DOP1A: variants seen among roughly 807,000 people sequenced by gnomAD.
The protein encoded by DOP1A is protein DOP1A.
DOP1A carries 90 observed loss-of-function variants against 267.6 expected under a neutral mutation model. That is an observed-to-expected ratio of 0.34 (90% CI 0.28 to 0.40). DOP1A has a LOEUF of 0.40. Ranked by LOEUF, DOP1A falls within the 10% of genes least tolerant of loss-of-function variation. DOP1A has a pLI of 1.00. For synonymous variants in DOP1A, 932 were observed against 999.1 expected (o/e 0.93, Z 1.27); for missense variants, 2,437 against 2,900.4 (o/e 0.84, Z 3.67).
chr6:83,093,169 A>C (rs936384521), intron 1 of DOP1A, among the ~76,000 whole-genome samples: 1 of 152,226 alleles, frequency 6.6e-6, no homozygotes, highest in East Asian at 1.9e-4. Context: ...TGAAAGTATC[A>C]TGAGGTCAGG....
chr6:83,164,319 G>A (rs1452052778), intron 38 of DOP1A, among the ~76,000 whole-genome samples: 1 of 151,734 alleles, frequency 6.6e-6, no homozygotes, highest in African/African-American at 2.4e-5. Context: ...GAGGATGTAT[G>A]CTGGGTCCTG....
chr6:83,114,899 T>G (rs1288904904), intron 7 of DOP1A, among the ~76,000 whole-genome samples: 3 of 152,184 alleles, frequency 2.0e-5, no homozygotes, highest in Non-Finnish European at 4.4e-5. Flanking sequence ...CTCCCCACTA[T>G]GCTACCAAAT....
intron 1 of DOP1A, among the ~76,000 whole-genome samples, chr6:83,073,334 C>T (rs567319587): frequency 5.1e-4 from 78 of 152,180 alleles, no homozygotes; most frequent in African/African-American, 1.5e-3. Context: ...GTGATCTGCC[C>T]GCCTTGGCCT....
rs1269138790 is a variant in DOP1A at position 83,100,785 on chromosome 6, A to G, written c.219A>G (p.Pro73=). 4 of 1,595,520 alleles carry G rather than the reference A, an allele frequency of 2.5e-6. No homozygotes were observed. The Admixed American group carries it at 5.1e-5, about 20-fold the overall frequency. Residue 73 remains proline, a synonymous_variant, in exon 4 of 39, where the codon CCA becomes CCG. Coordinates refer to ENST00000349129, the MANE Select transcript of DOP1A (RefSeq NM_015018.4). ...AACGCCTAGCTCAATGTCTACATCC[A>G]GCATTACCAGGTGGAGTTCATCGGA... ...IGKRLAQCLH[P]ALPGGVHRKA... is the part of the protein sequence containing the mutation.
intron 3 of DOP1A, among the ~76,000 whole-genome samples, chr6:83,099,404 A>G (rs1772117391): frequency 2.0e-5 from 3 of 152,314 alleles, no homozygotes; most frequent in South Asian, 4.1e-4. Context: ...AAGAAATTCC[A>G]TCTAAAAGTA....
At position 83,162,689 on chromosome 6, in the gene DOP1A, A is replaced by G. The variant is rs1337130098; in HGVS notation, c.6963-101A>G. ...TGGCACATCTGGCATTTGAATTTTTATAAGCAGTGGGGTCATGATCTTTCT... is the reference window on the plus strand; with the variant it reads ...TGGCACATCTGGCATTTGAATTTTTGTAAGCAGTGGGGTCATGATCTTTCT... On this transcript the variant is annotated intron_variant, in intron 37 of 38. Coordinates refer to ENST00000349129, the MANE Select transcript of DOP1A (RefSeq NM_015018.4). 5.1e-5 allele frequency: 68 copies of G among 1,328,252 alleles called. No homozygotes were observed. In the East Asian group the frequency reaches 1.4e-3, roughly 27 times the overall value. 82.3% of individuals were successfully genotyped at this position (1,328,252 alleles called of 1,614,324 possible). A position where few individuals can be genotyped will look rare whatever the true frequency, so the allele number is the denominator to read the frequency against.
intron 1 of DOP1A, among the ~76,000 whole-genome samples, chr6:83,082,575 C>T (rs1768294853): frequency 6.6e-6 from 1 of 152,026 alleles, no homozygotes; most frequent in East Asian, 1.9e-4. Flanking sequence ...GGAGTAAGTT[C>T]AAGGAATCTG....
chr6:83,152,202 T>G (rs1781820744), intron 29 of DOP1A, 86 bp from the exon 30 acceptor site: 9 of 760,874 alleles, frequency 1.2e-5, no homozygotes, highest in Non-Finnish European at 1.8e-5. Flanking sequence ...TATACATATA[T>G]AAAAATAATA....
At chr6:83,118,769 C>G in intron 7 of DOP1A, 119 bp from the exon 8 acceptor site, 1 of 652,226 alleles carries the variant, frequency 1.5e-6, no homozygotes, top group Non-Finnish European at 2.4e-6. Flanking sequence ...TTGAAATAAT[C>G]CATGAAAGTA....
At position 83,140,041 on chromosome 6, in the gene DOP1A, T is replaced by C. The variant is rs370276048; in HGVS notation, c.5162T>C (p.Leu1721Pro). ...TCAATTATTCCACCAGATATGATTC[T>C]TACTCTTTTGGAAGGGATTACAGCC... ...MASIIPPDMI[L>P]TLLEGITAII... The change falls in exon 22 of 39, where the codon CTT (leucine) becomes CCT (proline). Residue 1721 changes from leucine (L) to proline (P), a missense_variant. Leu to Pro is a moderately conservative substitution (Grantham distance 98). This residue lies in a region of DOP1A where 307 missense variants were observed against 308.6 expected (regional missense o/e 0.99). Transcript: ENST00000349129. 1 of 1,613,648 alleles carries C rather than the reference T, an allele frequency of 6.2e-7. No individual in the cohort carries two copies. The highest frequency in any genetic ancestry group is 8.5e-7 in the Non-Finnish European group (1 of 1,179,806).
intron 24 of DOP1A, among the ~76,000 whole-genome samples, 197 bp downstream of exon 24, chr6:83,142,243 C>T (rs564374735): frequency 6.6e-6 from 1 of 152,240 alleles, no homozygotes; most frequent in Admixed American, 6.5e-5. Flanking sequence ...GGCACGGTGG[C>T]TCACACCTGT....
intron 3 of DOP1A, among the ~76,000 whole-genome samples, chr6:83,099,597 G>A (rs1261915510): frequency 6.6e-6 from 1 of 151,640 alleles, no homozygotes; most frequent in Non-Finnish European, 1.5e-5. Context: ...AGATTTCATG[G>A]TATCTAGATA....
chr6:83,147,131 A>G (rs115990725), intron 25 of DOP1A, 105 bp from the exon 26 acceptor site: 9 of 467,924 alleles, frequency 1.9e-5, no homozygotes, highest in South Asian at 6.6e-5. Flanking sequence ...TGTTCTTTCA[A>G]TTTTTTTAAT....
At chr6:83,100,248 T>C (rs997943072) in intron 3 of DOP1A, among the ~76,000 whole-genome samples, 4 of 152,324 alleles carry the variant, frequency 2.6e-5, no homozygotes, top group Non-Finnish European at 4.4e-5. Context: ...TGCTGTAATT[T>C]GATATACTAG....
rs1312554287 is a variant in DOP1A, at chr6:83,101,941, A to G, written c.320+1055A>G. ...TAAAATATTATTAATTATAGTCTTC[A>G]TGTTGTACATTAGATCTCTAGATTT... On this transcript the variant is annotated intron_variant, in intron 4 of 38. Transcript: ENST00000349129. 5.3e-5 allele frequency among the ~76,000 whole-genome samples: 8 copies of G among 152,312 alleles called. No individual in the cohort carries two copies. The East Asian group carries it at 1.2e-3, about 22-fold the overall frequency.
At position 83,130,148 on chromosome 6, in the gene DOP1A, G is replaced by A. The variant is rs144409986; in HGVS notation, c.2367G>A (p.Gln789=). The A allele has an allele frequency of 4.5e-5, 72 of 1,613,860 alleles. No homozygotes were observed. The highest frequency in any genetic ancestry group is 5.6e-5 in the Non-Finnish European group (66 of 1,179,922). The change falls in exon 17 of 39, where the codon CAG becomes CAA. Residue 789 remains glutamine, a synonymous_variant. Transcript: ENST00000349129. The part of the protein sequence containing the change: ...ETDCEHVQPP[Q]WLQTLMNACS... The stretch of plus-strand genomic sequence containing the variant: ...ACTGTGAGCATGTGCAGCCTCCACA[G>A]TGGCTCCAGACTCTGATGAATGCTT...
intron 1 of DOP1A, among the ~76,000 whole-genome samples, chr6:83,091,420 A>G (rs1770374223): frequency 1.3e-5 from 2 of 149,214 alleles, no homozygotes; most frequent in Admixed American, 6.6e-5. Context: ...TGATATAAAC[A>G]TATATCAAAC....
intron 29 of DOP1A, 63 bp from the exon 30 acceptor site, chr6:83,152,225 C>G: frequency 2.1e-6 from 2 of 934,680 alleles, no homozygotes; most frequent in Non-Finnish European, 3.2e-6. Context: ...CACACACACA[C>G]ACACACATAA....
chr6:83,121,083 A>G (rs1009026798), intron 10 of DOP1A, among the ~76,000 whole-genome samples: 2 of 151,824 alleles, frequency 1.3e-5, no homozygotes, highest in African/African-American at 4.8e-5. Flanking sequence ...TTAATCCATC[A>G]TGAGCAATTT....
Sources: allele counts gnomAD v4.1 joint callset (sites outside exome capture counted in the v4.1 genomes callset), GRCh38; gene constraint gnomAD v4.1.1; regional missense constraint gnomAD v4.1.1; transcripts MANE v1.5; gene names NCBI Gene and HGNC (gene_info 2026-07-23, HGNC 2026-07-21).